Variants in MAP2K1 observed in about 807,000 individuals in gnomAD.
MAP2K1 encodes dual specificity mitogen-activated protein kinase kinase 1.
MAP2K1 carries 16 observed loss-of-function variants against 46.3 expected under a neutral mutation model. That is an observed-to-expected ratio of 0.35 (90% CI 0.23 to 0.52). The LOEUF is 0.52. Among genes scored for constraint, MAP2K1 ranks in the 20% least tolerant of loss-of-function variants. The pLI is 0.94. For synonymous variants in MAP2K1, 183 were observed against 185.6 expected (o/e 0.99, Z 0.11); for missense variants, 263 against 497.1 (o/e 0.53, Z 4.48).
At position 66,474,902 on chromosome 15, in the gene MAP2K1, CAAA is replaced by C. The variant is rs34111868; in HGVS notation, c.569-6839_569-6837del. Among the ~76,000 whole-genome samples the C allele has an allele frequency of 4.3e-3, 598 of 140,474 alleles. 6 individuals are homozygous for C. Among genetic ancestry groups the C allele is most frequent in the African/African-American group, 0.014 (548 of 38,124 alleles). The allele number at this position is 140,474 out of a possible 152,430, so 92.2% of individuals were successfully genotyped here. On this transcript the variant is annotated intron_variant, in intron 5 of 10. Transcript: ENST00000307102. ...CTGGGTGACAGAGTAAGACTTGTCTCAAAAAAAAAAAAAAAAGTATATTTAAAA... is the reference window on the plus strand; with the variant it reads ...CTGGGTGACAGAGTAAGACTTGTCTCAAAAAAAAAAAAAGTATATTTAAAA...
At chr15:66,470,190 C>G (rs1219809369) in intron 5 of MAP2K1, among the ~76,000 whole-genome samples, 1 of 138,130 alleles carries the variant, frequency 7.2e-6, no homozygotes, top group African/African-American at 2.7e-5. Flanking sequence ...GATCAAGTTG[C>G]ATAGAGTTGG....
At chr15:66,430,647 C>T (rs2093472980) in intron 1 of MAP2K1, among the ~76,000 whole-genome samples, 3 of 152,128 alleles carry the variant, frequency 2.0e-5, no homozygotes. Context: ...GTGAACTTGT[C>T]CCTTTGGGCC....
At chr15:66,444,097 G>A (rs1191307652) in intron 4 of MAP2K1, among the ~76,000 whole-genome samples, 1 of 151,900 alleles carries the variant, frequency 6.6e-6, no homozygotes, top group Non-Finnish European at 1.5e-5. Context: ...AATTAGCCGG[G>A]GGTGTTGGTG....
At chr15:66,443,765 T>A (rs1441953969) in intron 4 of MAP2K1, among the ~76,000 whole-genome samples, 1 of 152,004 alleles carries the variant, frequency 6.6e-6, no homozygotes, top group African/African-American at 2.4e-5. Context: ...CCCAGCTACT[T>A]GGGAAGCTGA....
chr15:66,393,643 C>G (rs553376411), intron 1 of MAP2K1, among the ~76,000 whole-genome samples: 4 of 152,288 alleles, frequency 2.6e-5, no homozygotes, highest in Admixed American at 2.6e-4. Flanking sequence ...AAAATCTTTA[C>G]CATGGTGGCC....
At chr15:66,411,166 G>C (rs1043738768) in intron 1 of MAP2K1, among the ~76,000 whole-genome samples, 1 of 152,066 alleles carries the variant, frequency 6.6e-6, no homozygotes, top group African/African-American at 2.4e-5. Flanking sequence ...ATGGGACCAA[G>C]AAATGCGAAT....
chr15:66,443,416 A>G, intron 4 of MAP2K1, 59 bp downstream of exon 4: 1 of 1,042,536 alleles, frequency 9.6e-7, no homozygotes, highest in Middle Eastern at 2.0e-4. Flanking sequence ...ATGAGTCGGT[A>G]AGAAATGGAC....
chr15:66,489,770 C>G lies in MAP2K1; in HGVS notation c.1068+7C>G, dbSNP rs1893180295. ...AGATTTGAAGCAACTCATGGTGAGT[C>G]TATTTATTCCGGATTCTTACAGTAC... On this transcript the variant is annotated splice_region_variant and intron_variant, in intron 10 of 10. Transcript: ENST00000307102. The G allele has an allele frequency of 6.2e-7, 1 of 1,611,014 alleles. No individual in the cohort carries two copies. Among genetic ancestry groups the G allele is most frequent in the Non-Finnish European group, 8.5e-7 (1 of 1,177,074 alleles).
chr15:66,419,685 C>T (rs1567002461), intron 1 of MAP2K1, among the ~76,000 whole-genome samples: 1 of 152,092 alleles, frequency 6.6e-6, no homozygotes, highest in Admixed American at 6.6e-5. Context: ...GGGTGGTCCT[C>T]ATGACTCCAG....
intron 1 of MAP2K1, among the ~76,000 whole-genome samples, chr15:66,420,547 T>A (rs192311830): frequency 2.0e-4 from 30 of 150,764 alleles, no homozygotes; most frequent in Non-Finnish European, 3.6e-4. Flanking sequence ...AGTAACACCC[T>A]GTCTCAAAAA....
chr15:66,409,147 T>C (rs2093405313), intron 1 of MAP2K1, among the ~76,000 whole-genome samples: 1 of 152,168 alleles, frequency 6.6e-6, no homozygotes, highest in Non-Finnish European at 1.5e-5. Context: ...CTCAGCCACA[T>C]GAGGCATGTG....
intron 1 of MAP2K1, among the ~76,000 whole-genome samples, chr15:66,420,883 GTGTATA>G (rs1289180019): frequency 2.6e-5 from 3 of 117,516 alleles, no homozygotes; most frequent in Non-Finnish European, 3.8e-5. Context: ...GTATATATAT[GTGTATA>G]TATACACATA....
chr15:66,480,848 C>T (rs1306838006), intron 5 of MAP2K1, among the ~76,000 whole-genome samples: 1 of 152,230 alleles, frequency 6.6e-6, no homozygotes, highest in Non-Finnish European at 1.5e-5. Context: ...CAGGGGCCTT[C>T]ACCAAGTCCC....
intron 3 of MAP2K1, among the ~76,000 whole-genome samples, chr15:66,439,065 G>T (rs1368857171): frequency 6.6e-6 from 1 of 152,146 alleles, no homozygotes; most frequent in Non-Finnish European, 1.5e-5. Flanking sequence ...TTCAGCTCTG[G>T]GCACTCTCAG....
At chr15:66,407,137 G>A (rs1433871901) in intron 1 of MAP2K1, among the ~76,000 whole-genome samples, 2 of 152,160 alleles carry the variant, frequency 1.3e-5, no homozygotes, top group African/African-American at 2.4e-5. Flanking sequence ...TTGTTTTGTA[G>A]TATAGGGTCT....
intron 5 of MAP2K1, among the ~76,000 whole-genome samples, chr15:66,471,596 A>G (rs1302898109): frequency 2.0e-5 from 3 of 152,200 alleles, no homozygotes; most frequent in African/African-American, 7.2e-5. Context: ...GATGATAAGA[A>G]TCACTGGGTG....
intron 1 of MAP2K1, among the ~76,000 whole-genome samples, chr15:66,414,354 A>G (rs1324880704): frequency 2.0e-5 from 3 of 152,160 alleles, no homozygotes; most frequent in African/African-American, 7.2e-5. Context: ...ATAGTTTGCT[A>G]GAGCAATTCA....
chr15:66,470,037 T>C (rs539409420), intron 5 of MAP2K1, among the ~76,000 whole-genome samples: 1 of 151,072 alleles, frequency 6.6e-6, no homozygotes, highest in South Asian at 2.1e-4. Context: ...AAAAAATCTT[T>C]CCTTTTTTTC....
At chr15:66,389,184 G>T (rs2140514312) in intron 1 of MAP2K1, among the ~76,000 whole-genome samples, 1 of 152,226 alleles carries the variant, frequency 6.6e-6, no homozygotes, top group East Asian at 1.9e-4. Flanking sequence ...GGGATTACAG[G>T]CATGAGCCAC....
Sources: allele counts gnomAD v4.1 joint callset (sites outside exome capture counted in the v4.1 genomes callset), GRCh38; gene constraint gnomAD v4.1.1; transcripts MANE v1.5; gene names NCBI Gene and HGNC (gene_info 2026-07-23, HGNC 2026-07-21).